CDC73: variants seen among roughly 807,000 people sequenced by gnomAD.
CDC73 encodes the protein cell division cycle 73, also known as parafibromin.
A neutral mutation model predicts 83.7 loss-of-function variants in CDC73; 21 were observed. The ratio of observed to expected loss-of-function variants is 0.25; its 90% CI spans 0.18 to 0.36. The LOEUF (loss-of-function observed/expected upper bound fraction) is 0.36, where lower values mean the gene tolerates loss of function less well. Ranked by LOEUF, CDC73 falls within the 10% of genes least tolerant of loss-of-function variation. CDC73 has a pLI of 1.00. For synonymous variants in CDC73, 224 were observed against 212.9 expected (o/e 1.05, Z -0.45); for missense variants, 342 against 653.3 (o/e 0.52, Z 5.19).
chr1:193,168,963 A>AT (rs1460156085), intron 10 of CDC73, among the ~76,000 whole-genome samples: 7 of 151,758 alleles, frequency 4.6e-5, no homozygotes, highest in Admixed American at 6.6e-5. Flanking sequence ...GATTATCTAG[A>AT]TTTTTTTTTC....
At chr1:193,214,069 C>T (rs1677320529) in intron 13 of CDC73, among the ~76,000 whole-genome samples, 1 of 152,186 alleles carries the variant, frequency 6.6e-6, no homozygotes, top group Non-Finnish European at 1.5e-5. Flanking sequence ...GATCATGTGA[C>T]TCTTCTGTGG....
At chr1:193,217,907 C>T (rs1317561811) in intron 13 of CDC73, among the ~76,000 whole-genome samples, 1 of 152,072 alleles carries the variant, frequency 6.6e-6, no homozygotes, top group Non-Finnish European at 1.5e-5. Flanking sequence ...GAAGTACTAG[C>T]CAGGGGACTC....
chr1:193,249,678 CT>C (rs907982596), intron 15 of CDC73, 51 bp from the exon 16 acceptor site: 315 of 1,439,866 alleles, frequency 2.2e-4, no homozygotes, highest in Non-Finnish European at 2.5e-4. Context: ...AAATTTTTTT[CT>C]TTTTTTTTAT....
chr1:193,197,361 C>A (rs543894185), intron 10 of CDC73, among the ~76,000 whole-genome samples: 1 of 151,988 alleles, frequency 6.6e-6, no homozygotes, highest in Non-Finnish European at 1.5e-5. Context: ...GTGACTTATC[C>A]TTACATAAAG....
At chr1:193,227,937 G>C (rs545868553) in intron 13 of CDC73, among the ~76,000 whole-genome samples, 1 of 152,288 alleles carries the variant, frequency 6.6e-6, no homozygotes, top group South Asian at 2.1e-4. Flanking sequence ...AACATCCTAA[G>C]TTGTATTCCA....
chr1:193,206,469 T>G (rs973776671), intron 11 of CDC73, among the ~76,000 whole-genome samples: 8 of 152,352 alleles, frequency 5.3e-5, no homozygotes, highest in Middle Eastern at 3.4e-3. Flanking sequence ...AGTAGTAGTT[T>G]GAAGTCTTTA....
intron 15 of CDC73, among the ~76,000 whole-genome samples, chr1:193,240,504 A>G (rs529713341): frequency 6.6e-6 from 1 of 152,244 alleles, no homozygotes; most frequent in South Asian, 2.1e-4. Context: ...TTTTCTCTGC[A>G]TCCTTGCCAG....
intron 3 of CDC73, among the ~76,000 whole-genome samples, chr1:193,134,195 A>G (rs187632201): frequency 2.2e-4 from 34 of 152,182 alleles, no homozygotes; most frequent in Non-Finnish European, 4.0e-4. Flanking sequence ...AAAACTTGCC[A>G]TTATATATAA....
intron 9 of CDC73, among the ~76,000 whole-genome samples, chr1:193,151,438 A>G (rs1450014506): frequency 6.6e-6 from 1 of 152,228 alleles, no homozygotes; most frequent in East Asian, 1.9e-4. Flanking sequence ...ATCACCCTCC[A>G]TGGGCCAAAT....
chr1:193,224,630 CACACATATATGAAATCATTCGCATAT>C (rs1677533932), intron 13 of CDC73, among the ~76,000 whole-genome samples: 1 of 151,462 alleles, frequency 6.6e-6, no homozygotes, highest in Non-Finnish European at 1.5e-5. Flanking sequence ...CATTCACATA[CACACATATATGAAATCATTCGCATAT>C]ACACATATAT....
chr1:193,211,486 C>A (rs574430169), intron 11 of CDC73, among the ~76,000 whole-genome samples: 15 of 152,242 alleles, frequency 9.9e-5, no homozygotes, highest in African/African-American at 3.6e-4. Flanking sequence ...CACCTTTTCA[C>A]CTAAGGGAAA....
intron 10 of CDC73, among the ~76,000 whole-genome samples, chr1:193,193,732 G>A (rs1346123343): frequency 1.0e-4 from 15 of 149,846 alleles, no homozygotes; most frequent in Admixed American, 1.0e-3. Context: ...ATTTATTACT[G>A]TCTCCAGAAT....
intron 10 of CDC73, among the ~76,000 whole-genome samples, chr1:193,172,798 C>T (rs1676537497): frequency 3.3e-5 from 5 of 152,160 alleles, no homozygotes; most frequent in Admixed American, 3.3e-4. Flanking sequence ...TACTTGGTAA[C>T]TTAAGACTAT....
intron 10 of CDC73, among the ~76,000 whole-genome samples, chr1:193,189,305 C>G (rs1195543349): frequency 6.6e-6 from 1 of 152,108 alleles, no homozygotes; most frequent in Admixed American, 6.5e-5. Flanking sequence ...ACGTAAAGTT[C>G]AGGAAAACAG....
Position 193,170,532 on chromosome 1 carries a change from T to C in CDC73, c.972+18088T>C, listed in dbSNP as rs532743744. 2.6e-5 allele frequency among the ~76,000 whole-genome samples: 4 copies of C among 152,280 alleles called. No homozygotes were observed. In the East Asian group the frequency reaches 7.7e-4, roughly 29 times the overall value. On this transcript the variant is annotated intron_variant, in intron 10 of 16. Transcript: ENST00000367435. ...TTTTGATTTCCATTTCTCTAATGAT[T>C]AGTGATGTTGAGCTTGTTTTCATAT...
At chr1:193,240,573 C>G (rs189738332) in intron 15 of CDC73, among the ~76,000 whole-genome samples, 1 of 152,186 alleles carries the variant, frequency 6.6e-6, no homozygotes, top group East Asian at 1.9e-4. Context: ...GATATTTCAT[C>G]GTGGTTTTGA....
chr1:193,212,479 TA>T lies in CDC73; in HGVS notation c.1154+4del. On this transcript the variant is annotated splice_donor_region_variant and intron_variant, in intron 13 of 16. Transcript: ENST00000367435. The stretch of plus-strand genomic sequence containing the variant: ...AAAAGACCTTCTACAGGACCTGAAG[TA>T]AGTAATTTATTAAACTATCCTGTAC... 6.6e-7 allele frequency: 1 copy of T among 1,520,726 alleles called. No homozygotes were observed. Among genetic ancestry groups the T allele is most frequent in the Non-Finnish European group, 9.1e-7 (1 of 1,096,414 alleles). 94.2% of individuals were successfully genotyped at this position (1,520,726 alleles called of 1,614,324 possible).
rs774536123 is a variant in CDC73, at chr1:193,212,460, C to G, written c.1137C>G (p.Asp379Glu). Residue 379 changes from aspartate to glutamate, a missense_variant, in exon 13 of 17, where the codon GAC (aspartate) becomes GAG (glutamate). Physicochemically the swap from Asp to Glu is conservative, Grantham distance 45. This residue lies in a region of CDC73 where 239 missense variants were observed against 420.6 expected (regional missense o/e 0.57). Coordinates refer to ENST00000367435, the MANE Select transcript of CDC73 (RefSeq NM_024529.5). ...TAATAACCATGCTTAATGCAAAAGA[C>G]CTTCTACAGGACCTGAAGTAAGTAA... ...TSLITMLNAK[D>E]LLQDLKFVPS... is the part of the protein sequence containing the mutation. 18 of 1,593,968 alleles carry G rather than the reference C, an allele frequency of 1.1e-5. No homozygotes were observed. The highest frequency in any genetic ancestry group is 1.7e-5 in the Admixed American group (1 of 59,868).
rs1341886008 is a variant in CDC73, at chr1:193,193,522, C to T, written c.973-10273C>T. ...ATTTCTCATGCATTTCCTGTATTTT[C>T]ACCCATTTTAAATAAGATGTGGTCT... On this transcript the variant is annotated intron_variant, in intron 10 of 16. Transcript: ENST00000367435. Among the ~76,000 whole-genome samples, 9 of 152,148 alleles carry T rather than the reference C, an allele frequency of 5.9e-5. No homozygotes were observed. In the East Asian group the frequency reaches 1.7e-3, roughly 29 times the overall value.
Sources: allele counts gnomAD v4.1 joint callset (sites outside exome capture counted in the v4.1 genomes callset), GRCh38; gene constraint gnomAD v4.1.1; regional missense constraint gnomAD v4.1.1; transcripts MANE v1.5; gene names NCBI Gene and HGNC (gene_info 2026-07-23, HGNC 2026-07-21).